The following TGFBR3 variants were observed in gnomAD, a reference collection of about 807,000 sequenced individuals.
The protein encoded by TGFBR3 is transforming growth factor beta receptor 3, also known as transforming growth factor beta receptor type 3.
TGFBR3 carries 46 observed loss-of-function variants against 87.9 expected under a neutral mutation model. The ratio of observed to expected loss-of-function variants is 0.52; its 90% CI spans 0.41 to 0.67. The LOEUF (loss-of-function observed/expected upper bound fraction) is 0.67. Among genes scored for constraint, TGFBR3 ranks in the 30% least tolerant of loss-of-function variants. TGFBR3 has a pLI of 0.00. For missense variants in TGFBR3, 866 were observed against 1,041.9 expected (o/e 0.83, Z 2.32); for synonymous variants, 381 against 391.6 (o/e 0.97, Z 0.32).
At chr1:91,694,104 C>T (rs537579540) in intron 16 of TGFBR3, among the ~76,000 whole-genome samples, 5 of 152,068 alleles carry the variant, frequency 3.3e-5, no homozygotes, top group African/African-American at 7.2e-5. Flanking sequence ...CAGGTTCAAG[C>T]GATCCCCACC....
chr1:91,698,956 C>G (rs17887016), intron 14 of TGFBR3, among the ~76,000 whole-genome samples: 2,099 of 151,936 alleles, frequency 0.014, 22 homozygotes, highest in Non-Finnish European at 0.021. Context: ...TACCCTCCCC[C>G]CAATTATTTC....
At chr1:91,689,656 A>G (rs2100698781) in intron 16 of TGFBR3, among the ~76,000 whole-genome samples, 1 of 152,274 alleles carries the variant, frequency 6.6e-6, no homozygotes, top group South Asian at 2.1e-4. Context: ...TGAATTTGTA[A>G]TAACAGAACA....
At chr1:91,730,973 T>C (rs1672746514) in intron 5 of TGFBR3, among the ~76,000 whole-genome samples, 1 of 152,240 alleles carries the variant, frequency 6.6e-6, no homozygotes, top group Non-Finnish European at 1.5e-5. Context: ...GCACATGCCA[T>C]TTACACAGCA....
intron 9 of TGFBR3, 136 bp downstream of exon 9, chr1:91,719,757 C>G: frequency 9.9e-7 from 1 of 1,009,642 alleles, no homozygotes; most frequent in Non-Finnish European, 1.5e-6. Flanking sequence ...GGGAAGTAGG[C>G]CCATCCAACT....
chr1:91,832,289 C>G (rs573166871), intron 2 of TGFBR3, among the ~76,000 whole-genome samples: 1 of 152,236 alleles, frequency 6.6e-6, no homozygotes, highest in South Asian at 2.1e-4. Context: ...TGAGAGAGAG[C>G]TTTGCAAATA....
intron 2 of TGFBR3, among the ~76,000 whole-genome samples, chr1:91,827,957 C>G (rs1676706194): frequency 6.6e-6 from 1 of 152,174 alleles, no homozygotes; most frequent in East Asian, 1.9e-4. Context: ...TTGTTATTAA[C>G]CACACTGGGT....
intron 1 of TGFBR3, among the ~76,000 whole-genome samples, chr1:91,880,533 G>A (rs1360044474): frequency 6.6e-6 from 1 of 152,122 alleles, no homozygotes; most frequent in Non-Finnish European, 1.5e-5. Context: ...GGGAGGCGGA[G>A]CTTGCAGTGA....
chr1:91,802,040 A>G (rs990914521), intron 2 of TGFBR3, among the ~76,000 whole-genome samples: 6 of 152,264 alleles, frequency 3.9e-5, no homozygotes, highest in Admixed American at 3.3e-4. Flanking sequence ...AGTATGGGGT[A>G]GAGTAGTCCT....
rs368179477 is a variant in TGFBR3 at position 91,698,137 on chromosome 1, C to G, written c.2288-7G>C. On this transcript the variant is annotated splice_region_variant and splice_polypyrimidine_tract_variant and intron_variant, in intron 14 of 16. Coordinates refer to ENST00000212355, the MANE Select transcript of TGFBR3 (RefSeq NM_003243.5). Reference sequence around the variant, plus strand: ...TTCATGCTTGGACCTTTTTCTGAAACAAAAACATAAATCACAATGTATTCT... The same window carrying G: ...TTCATGCTTGGACCTTTTTCTGAAAGAAAAACATAAATCACAATGTATTCT... The G allele has an allele frequency of 7.4e-6, 12 of 1,613,134 alleles. No homozygotes were observed. Among genetic ancestry groups the G allele is most frequent in the Non-Finnish European group, 9.3e-6 (11 of 1,179,228 alleles).
In TGFBR3 at chr1:91,885,160, A is replaced by T. The variant is rs1679245178; in HGVS notation, c.-114+718T>A. 2.0e-5 allele frequency among the ~76,000 whole-genome samples: 3 copies of T among 152,234 alleles called. 1 individual carries two copies. The South Asian group carries it at 6.2e-4, about 32-fold the overall frequency. On this transcript the variant is annotated intron_variant, in intron 1 of 16. Coordinates refer to ENST00000212355, the MANE Select transcript of TGFBR3 (RefSeq NM_003243.5). ...TTTCTTCTTCCAGCTTTTCGTGAGG[A>T]CACCAAATCCACTAAGTTCTACTTT...
At chr1:91,802,831 G>A (rs1012429704) in intron 2 of TGFBR3, among the ~76,000 whole-genome samples, 1 of 151,604 alleles carries the variant, frequency 6.6e-6, no homozygotes, top group Admixed American at 6.6e-5. Flanking sequence ...CTCTTCCTAC[G>A]TACACCTGGC....
At chr1:91,755,595 G>A (rs1673712400) in intron 4 of TGFBR3, among the ~76,000 whole-genome samples, 1 of 152,128 alleles carries the variant, frequency 6.6e-6, no homozygotes, top group Non-Finnish European at 1.5e-5. Flanking sequence ...TCCTTACATG[G>A]GATTGATCCA....
At chr1:91,722,723 G>A (rs1170728984) in intron 7 of TGFBR3, among the ~76,000 whole-genome samples, 2 of 152,158 alleles carry the variant, frequency 1.3e-5, no homozygotes, top group Non-Finnish European at 2.9e-5. Context: ...ACATGGTAGA[G>A]CCTACTACAC....
chr1:91,729,535 A>T (rs1291660847), intron 6 of TGFBR3, among the ~76,000 whole-genome samples: 1 of 152,204 alleles, frequency 6.6e-6, no homozygotes, highest in East Asian at 1.9e-4. Flanking sequence ...TCAGGAATTC[A>T]TCTGAAATAT....
chr1:91,887,053 T>A (rs539247145), upstream of TGFBR3, among the ~76,000 whole-genome samples: 2 of 152,178 alleles, frequency 1.3e-5, no homozygotes, highest in East Asian at 3.9e-4. Flanking sequence ...AACAGGACAT[T>A]GTTTTACAAA....
chr1:91,755,365 C>T (rs934112996), intron 4 of TGFBR3, among the ~76,000 whole-genome samples: 2 of 152,056 alleles, frequency 1.3e-5, no homozygotes, highest in African/African-American at 4.8e-5. Context: ...TTGCATCACT[C>T]GTTGTCTGCT....
At chr1:91,693,330 G>C (rs559156591) in intron 16 of TGFBR3, among the ~76,000 whole-genome samples, 1 of 152,176 alleles carries the variant, frequency 6.6e-6, no homozygotes, top group Non-Finnish European at 1.5e-5. Flanking sequence ...AATTCATTTT[G>C]CTGGAAAGCA....
intron 12 of TGFBR3, among the ~76,000 whole-genome samples, chr1:91,715,059 T>C (rs1275208069): frequency 6.6e-6 from 1 of 152,082 alleles, no homozygotes; most frequent in Admixed American, 6.6e-5. Context: ...CCTTTAAGCT[T>C]CTCACCCCTC....
chr1:91,861,576 C>CAA lies in TGFBR3; in HGVS notation c.-46_-45insTT, dbSNP rs1225914443. The CAA allele has an allele frequency of 6.8e-7, 1 of 1,471,262 alleles. No individual in the cohort carries two copies. Among genetic ancestry groups the CAA allele is most frequent in the African/African-American group, 1.4e-5 (1 of 71,968 alleles). 91.1% of individuals were successfully genotyped at this position (1,471,262 alleles called of 1,614,324 possible). A position where few individuals can be genotyped will look rare whatever the true frequency, so the allele number is the denominator to read the frequency against. ...CGTCTCGTCCAGTCACTTCAGCCTG[C>CAA]TCAGAGCACAGACAATCTTTGCAAA... On this transcript the variant is annotated 5_prime_UTR_variant, in exon 2 of 17. Transcript: ENST00000212355.
Sources: allele counts gnomAD v4.1 joint callset (sites outside exome capture counted in the v4.1 genomes callset), GRCh38; gene constraint gnomAD v4.1.1; transcripts MANE v1.5; gene names NCBI Gene and HGNC (gene_info 2026-07-23, HGNC 2026-07-21).